Variants in MAGI1 observed in about 807,000 individuals in gnomAD.
The protein encoded by MAGI1 is membrane associated guanylate kinase, WW and PDZ domain containing 1.
In MAGI1, 58 loss-of-function variants were observed where a neutral mutation model predicts 139.9. The ratio of observed to expected loss-of-function variants is 0.41; its 90% CI spans 0.34 to 0.52. The LOEUF (loss-of-function observed/expected upper bound fraction) is 0.52, where lower values mean the gene tolerates loss of function less well. MAGI1 is among the 20% of genes least tolerant of loss of function. MAGI1 has a pLI of 0.12. For synonymous variants in MAGI1, 812 were observed against 737.9 expected, an observed-to-expected ratio of 1.10 and a Z score of -1.63; for missense variants, 1,874 against 1,901.6, an observed-to-expected ratio of 0.99 and a Z score of 0.27.
chr3:65,962,493 T>C (rs2064489740), intron 1 of MAGI1, among the ~76,000 whole-genome samples: 1 of 152,130 alleles, frequency 6.6e-6, no homozygotes, highest in Non-Finnish European at 1.5e-5. Flanking sequence ...CTTTCCAACT[T>C]GCTTATTTAG....
At chr3:65,661,961 A>G (rs1329172309) in intron 1 of MAGI1, among the ~76,000 whole-genome samples, 1 of 151,526 alleles carries the variant, frequency 6.6e-6, no homozygotes, top group African/African-American at 2.4e-5. Context: ...GTTAGCCAGG[A>G]TGGTCTCGAT....
intron 1 of MAGI1, among the ~76,000 whole-genome samples, chr3:65,910,476 C>T (rs1055180204): frequency 2.0e-5 from 3 of 152,130 alleles, no homozygotes; most frequent in Admixed American, 6.5e-5. Flanking sequence ...CAATAAAGTA[C>T]GCCACCATTG....
chr3:65,806,691 T>C (rs1034799805), intron 1 of MAGI1, among the ~76,000 whole-genome samples: 1 of 152,234 alleles, frequency 6.6e-6, no homozygotes, highest in Non-Finnish European at 1.5e-5. Flanking sequence ...AATATCAATT[T>C]ACTGATACAA....
chr3:65,809,267 T>G (rs1443004615), intron 1 of MAGI1, among the ~76,000 whole-genome samples: 1 of 152,172 alleles, frequency 6.6e-6, no homozygotes, highest in Non-Finnish European at 1.5e-5. Flanking sequence ...TTCCGGACAC[T>G]TCAGCAGGTC....
chr3:65,606,169 A>G (rs2082728066), intron 2 of MAGI1, among the ~76,000 whole-genome samples: 1 of 152,148 alleles, frequency 6.6e-6, no homozygotes, highest in Non-Finnish European at 1.5e-5. Flanking sequence ...TAAATTGCAA[A>G]ACCTCGGGTA....
intron 1 of MAGI1, among the ~76,000 whole-genome samples, chr3:65,887,632 G>C (rs1283044128): frequency 6.6e-6 from 1 of 152,028 alleles, no homozygotes; most frequent in Non-Finnish European, 1.5e-5. Flanking sequence ...AAACTAAAGA[G>C]ACAGAAAAAT....
intron 12 of MAGI1, among the ~76,000 whole-genome samples, chr3:65,428,814 T>C (rs1947261170): frequency 2.6e-5 from 4 of 152,136 alleles, no homozygotes; most frequent in Admixed American, 2.6e-4. Flanking sequence ...TATATGGAAG[T>C]GTTGGGAGCT....
In MAGI1 at chr3:65,401,629, A is replaced by G. The variant is rs764827133; in HGVS notation, c.2168-159T>C. 7.5e-4 allele frequency: 1,165 copies of G among 1,549,878 alleles called. 2 individuals carry two copies. Among genetic ancestry groups the G allele is most frequent in the Non-Finnish European group, 8.7e-4 (1,002 of 1,146,154 alleles). On this transcript the variant is annotated intron_variant, in intron 12 of 22. Transcript: ENST00000402939. ...CAGCATCGGAGTTACCAGGCTGTTC[A>G]TATCGAATCAAAGCAGAGGGAGGAG...
chr3:65,803,223 A>G (rs1462196859), intron 1 of MAGI1, among the ~76,000 whole-genome samples: 5 of 152,176 alleles, frequency 3.3e-5, no homozygotes, highest in Non-Finnish European at 7.3e-5. Context: ...AGTATTAGGA[A>G]TCCTGCGATA....
chr3:65,597,597 T>C (rs1359666141), intron 2 of MAGI1: 1 of 437,378 alleles, frequency 2.3e-6, no homozygotes, highest in Non-Finnish European at 4.7e-6. Context: ...GCTGGCCGGG[T>C]TTCTCCCCGC....
intron 2 of MAGI1, among the ~76,000 whole-genome samples, chr3:65,586,887 T>C (rs1251320655): frequency 6.6e-6 from 1 of 152,086 alleles, no homozygotes; most frequent in African/African-American, 2.4e-5. Flanking sequence ...TATGGGCGAA[T>C]GAAGGTTTCT....
At chr3:65,879,198 T>A (rs1219680384) in intron 1 of MAGI1, among the ~76,000 whole-genome samples, 1 of 152,104 alleles carries the variant, frequency 6.6e-6, no homozygotes, top group Non-Finnish European at 1.5e-5. Flanking sequence ...TCTCAACTTG[T>A]TGATACAAAG....
chr3:65,962,030 G>A (rs1316612392), intron 1 of MAGI1, among the ~76,000 whole-genome samples: 1 of 151,840 alleles, frequency 6.6e-6, no homozygotes, highest in Non-Finnish European at 1.5e-5. Flanking sequence ...TGAAGAGGTT[G>A]TTTGTCTCCT....
At chr3:65,794,119 G>C (rs2039969150) in intron 1 of MAGI1, among the ~76,000 whole-genome samples, 1 of 152,140 alleles carries the variant, frequency 6.6e-6, no homozygotes, top group Non-Finnish European at 1.5e-5. Context: ...AACACTAAAA[G>C]GATGAGACGC....
intron 1 of MAGI1, among the ~76,000 whole-genome samples, chr3:65,964,976 G>A (rs6791193): frequency 0.93 from 141,064 of 152,296 alleles, 66,225 homozygotes; most frequent in Non-Finnish European, 1. Flanking sequence ...TACTGATGAT[G>A]CCAAGGACTC....
intron 14 of MAGI1, among the ~76,000 whole-genome samples, chr3:65,387,462 T>G (rs1943546828): frequency 6.6e-6 from 1 of 152,016 alleles, no homozygotes; most frequent in Non-Finnish European, 1.5e-5. Context: ...TTCCTATAAC[T>G]CCTATTACTA....
At chr3:65,549,518 C>A in intron 2 of MAGI1, 1 of 983,710 alleles carries the variant, frequency 1.0e-6, no homozygotes, top group Non-Finnish European at 1.2e-6. Context: ...CCGGCGGCAG[C>A]TGCTCCTTTT....
intron 2 of MAGI1, among the ~76,000 whole-genome samples, chr3:65,522,587 C>A (rs1034756256): frequency 5.3e-5 from 8 of 152,118 alleles, no homozygotes; most frequent in Non-Finnish European, 1.2e-4. Flanking sequence ...CCAGTAGCTT[C>A]CCAAACTCTA....
chr3:66,007,684 T>C (rs1009462022), intron 1 of MAGI1, among the ~76,000 whole-genome samples: 9 of 152,174 alleles, frequency 5.9e-5, no homozygotes, highest in African/African-American at 2.2e-4. Flanking sequence ...AGCAGTAATA[T>C]GGATGGGCTT....
Sources: allele counts gnomAD v4.1 joint callset (sites outside exome capture counted in the v4.1 genomes callset), GRCh38; gene constraint gnomAD v4.1.1; transcripts MANE v1.5; gene names NCBI Gene and HGNC (gene_info 2026-07-23, HGNC 2026-07-21).